The following HEATR5B variants were observed in gnomAD, a reference collection of about 807,000 sequenced individuals.
HEATR5B encodes HEAT repeat containing 5B.
Under a neutral mutation model 224.1 loss-of-function variants are expected in HEATR5B, and 156 were observed. The observed-to-expected ratio is 0.70, with a 90% CI of 0.61 to 0.80. HEATR5B has a LOEUF of 0.80. HEATR5B is among the 30% of genes least tolerant of loss of function. The pLI is 0.00. For synonymous variants in HEATR5B, 1,027 were observed against 893.0 expected (o/e 1.15, Z -2.68); for missense variants, 2,323 against 2,535.5 (o/e 0.92, Z 1.80).
At chr2:37,031,761 C>T (rs1370101859) in intron 22 of HEATR5B, among the ~76,000 whole-genome samples, 1 of 152,034 alleles carries the variant, frequency 6.6e-6, no homozygotes, top group Non-Finnish European at 1.5e-5. Context: ...TTCTTTGTAT[C>T]CAAGCAGCTT....
In HEATR5B at chr2:36,981,790, G is replaced by C; in HGVS notation, c.5916C>G (p.Val1972=). ...TGGGAACTAAAAGAGCAAGTAGCTG[G>C]ACTCCTGTAAATAATAAAGTATGAA... The part of the protein sequence containing the change: ...LVALGEEQNR[V]QLLALLVPTL... The change falls in exon 36 of 36, where the codon GTC becomes GTG. Residue 1972 remains valine (V), a synonymous_variant. Coordinates refer to ENST00000233099, the MANE Select transcript of HEATR5B (RefSeq NM_019024.3). The C allele has an allele frequency of 1.2e-6, 2 of 1,603,506 alleles. No homozygotes were observed. Among genetic ancestry groups the C allele is most frequent in the Non-Finnish European group, 1.7e-6 (2 of 1,174,458 alleles).
At chr2:37,077,586 G>A (rs900808277) in intron 3 of HEATR5B, among the ~76,000 whole-genome samples, 1 of 152,222 alleles carries the variant, frequency 6.6e-6, no homozygotes, top group African/African-American at 2.4e-5. Flanking sequence ...GGGATTACAG[G>A]CGTGAGCCAC....
At chr2:37,084,010 C>T (rs1018522062) in intron 1 of HEATR5B, among the ~76,000 whole-genome samples, 19 of 152,186 alleles carry the variant, frequency 1.2e-4, no homozygotes, top group Non-Finnish European at 2.4e-4. Flanking sequence ...CCCGAGAAGC[C>T]TCGCGCGCTC....
At position 37,040,635 on chromosome 2, in the gene HEATR5B, G is replaced by A. The variant is rs1572869079; in HGVS notation, c.2857-117C>T. 20 of 658,610 alleles carry A rather than the reference G, an allele frequency of 3.0e-5. No individual in the cohort carries two copies. The East Asian group carries it at 6.0e-4, about 20-fold the overall frequency. The allele number at this position is 658,610 out of a possible 1,614,324, so 40.8% of individuals were successfully genotyped here. ...ATATTTTTAGGCCTAACAATGTGAA[G>A]TAGCAAATCCAGATTGTAGGATGTT... On this transcript the variant is annotated intron_variant, in intron 19 of 35. Coordinates refer to ENST00000233099, the MANE Select transcript of HEATR5B (RefSeq NM_019024.3).
At chr2:37,070,179 C>T (rs779375641) in intron 7 of HEATR5B, 51 bp downstream of exon 7, 12 of 1,573,596 alleles carry the variant, frequency 7.6e-6, no homozygotes, top group South Asian at 5.6e-5. Flanking sequence ...GGATTACAGG[C>T]GTGAGCCACC....
intron 18 of HEATR5B, among the ~76,000 whole-genome samples, chr2:37,046,719 A>G (rs1437511602): frequency 6.6e-6 from 1 of 151,994 alleles, no homozygotes; most frequent in Admixed American, 6.6e-5. Flanking sequence ...ACTGCAAACT[A>G]AAGAAAATTC....
intron 19 of HEATR5B, 198 bp downstream of exon 19, chr2:37,040,935 G>A (rs1175306255): frequency 3.8e-6 from 2 of 528,378 alleles, no homozygotes; most frequent in Non-Finnish European, 6.7e-6. Context: ...AGGAATGTAT[G>A]TGAATGGGTA....
At chr2:37,001,108 C>T (rs561277229) in intron 32 of HEATR5B, among the ~76,000 whole-genome samples, 12 of 151,840 alleles carry the variant, frequency 7.9e-5, no homozygotes, top group African/African-American at 2.4e-4. Flanking sequence ...GTAATGAAAA[C>T]GAAAAAGGAA....
chr2:37,079,338 CA>C lies in HEATR5B; in HGVS notation c.127-8del. On this transcript the variant is annotated splice_polypyrimidine_tract_variant and splice_region_variant and intron_variant, in intron 2 of 35. Coordinates refer to ENST00000233099, the MANE Select transcript of HEATR5B (RefSeq NM_019024.3). ...GTTTTTCCTTTACATCGGTCTGTTA[CA>C]AAAAAAATTTTTAAAAGAACATCAT... The C allele has an allele frequency of 2.4e-5, 37 of 1,542,022 alleles. No individual in the cohort carries two copies. The highest frequency in any genetic ancestry group is 8.7e-5 in the Admixed American group (4 of 46,160).
chr2:37,053,537 G>C lies in HEATR5B; in HGVS notation c.2470C>G (p.Leu824Val). 1.2e-6 allele frequency: 2 copies of C among 1,608,456 alleles called. No homozygotes were observed. The highest frequency in any genetic ancestry group is 2.2e-5 in the East Asian group (1 of 44,782). The part of the protein sequence containing the change: ...AKGVRQQAVQ[L>V]NIFTAVLSAL... Reference sequence around the variant, plus strand: ...CTAAGAACAGCAGTAAATATGTTAAGCTGCACAGCCTGCTGGCGGACACCT... The same window carrying C: ...CTAAGAACAGCAGTAAATATGTTAACCTGCACAGCCTGCTGGCGGACACCT... Residue 824 changes from leucine to valine, a missense_variant, in exon 17 of 36, where the codon CTT (leucine) becomes GTT (valine). Coordinates refer to ENST00000233099, the MANE Select transcript of HEATR5B (RefSeq NM_019024.3).
At chr2:36,989,785 A>G (rs1666196021) in intron 34 of HEATR5B, among the ~76,000 whole-genome samples, 1 of 152,194 alleles carries the variant, frequency 6.6e-6, no homozygotes, top group African/African-American at 2.4e-5. Context: ...ACAAGTGGCT[A>G]AATATGGCTA....
At chr2:37,011,934 C>G (rs749026410) in intron 27 of HEATR5B, among the ~76,000 whole-genome samples, 3 of 152,098 alleles carry the variant, frequency 2.0e-5, no homozygotes, top group Non-Finnish European at 4.4e-5. Context: ...TTTTATGACT[C>G]TGAATAGACA....
At chr2:37,002,635 T>C in intron 31 of HEATR5B, 63 bp from the exon 32 acceptor site, 1 of 1,512,056 alleles carries the variant, frequency 6.6e-7, no homozygotes, top group Non-Finnish European at 9.0e-7. Flanking sequence ...ACAACACAAG[T>C]ATATTTAGGA....
chr2:37,075,055 T>A lies in HEATR5B; in HGVS notation c.597+430A>T, dbSNP rs533542518. Among the ~76,000 whole-genome samples the A allele has an allele frequency of 2.6e-5, 4 of 152,326 alleles. No individual in the cohort carries two copies. In the South Asian group the frequency reaches 6.2e-4, roughly 24 times the overall value. ...TCTGCCCTATGAACCAGCTATTCCA[T>A]CCCTAGGTTATTTGCGGAAGTGAAA... On this transcript the variant is annotated intron_variant, in intron 5 of 35. Transcript: ENST00000233099.
intron 35 of HEATR5B, among the ~76,000 whole-genome samples, chr2:36,983,078 A>C (rs751384561): frequency 2.6e-5 from 4 of 152,146 alleles, no homozygotes; most frequent in Non-Finnish European, 5.9e-5. Flanking sequence ...ATAAACATAC[A>C]TACTCTTTCT....
intron 28 of HEATR5B, 106 bp from the exon 29 acceptor site, chr2:37,007,410 C>T: frequency 2.5e-6 from 3 of 1,210,112 alleles, no homozygotes; most frequent in Non-Finnish European, 2.2e-6. Flanking sequence ...ATGGTGCGAT[C>T]TTGGCTCACT....
At position 37,049,850 on chromosome 2, in the gene HEATR5B, T is replaced by TAAAAAAAAAA; in HGVS notation, c.2506-17_2506-8dup. 1.0e-6 allele frequency: 1 copy of TAAAAAAAAAA among 1,000,684 alleles called. No individual in the cohort carries two copies. Among genetic ancestry groups the TAAAAAAAAAA allele is most frequent in the Non-Finnish European group, 1.3e-6 (1 of 789,586 alleles). The allele number at this position is 1,000,684 out of a possible 1,614,324, so 62.0% of individuals were successfully genotyped here. A position where few individuals can be genotyped will look rare whatever the true frequency, so the allele number is the denominator to read the frequency against. On this transcript the variant is annotated splice_polypyrimidine_tract_variant and splice_region_variant and intron_variant, in intron 17 of 35. Coordinates refer to ENST00000233099, the MANE Select transcript of HEATR5B (RefSeq NM_019024.3). ...TTTTGTTTTCAGCTAAGCCCTACAT[T>TAAAAAAAAAA]AAAAAAAAAAAAAAAAAAAAGACAG...
At chr2:37,059,665 T>A (rs1173957522) in intron 12 of HEATR5B, among the ~76,000 whole-genome samples, 2 of 151,658 alleles carry the variant, frequency 1.3e-5, no homozygotes, top group Non-Finnish European at 1.5e-5. Context: ...GGTTTCACCA[T>A]ATTGGTCAGG....
chr2:37,083,994 A>C (rs1000151344), intron 1 of HEATR5B, among the ~76,000 whole-genome samples: 11 of 152,122 alleles, frequency 7.2e-5, no homozygotes, highest in Admixed American at 2.6e-4. Flanking sequence ...GGCGGTCCGG[A>C]ATGCACCCGA....
Sources: gnomAD v4.1 joint callset for allele counts (sites outside exome capture counted in the v4.1 genomes callset) on GRCh38, gnomAD v4.1.1 for gene constraint, MANE v1.5 for transcripts, NCBI Gene and HGNC (gene_info 2026-07-23, HGNC 2026-07-21) for gene names.